Variants in CHAT observed in about 807,000 individuals in gnomAD.
CHAT encodes the protein acetyl CoA:choline O-acetyltransferase.
Under a neutral mutation model 76.9 loss-of-function variants are expected in CHAT, and 61 were observed. That is an observed-to-expected ratio of 0.79 (90% CI 0.65 to 0.98). The LOEUF (loss-of-function observed/expected upper bound fraction) is 0.98, where lower values mean the gene tolerates loss of function less well. CHAT is among the 50% of genes least tolerant of loss of function. The pLI is 0.00. For synonymous variants in CHAT, 407 were observed against 397.4 expected, an observed-to-expected ratio of 1.02 and a Z score of -0.29; for missense variants, 946 against 986.9, an observed-to-expected ratio of 0.96 and a Z score of 0.56.
intron 7 of CHAT, among the ~76,000 whole-genome samples, chr10:49,639,653 T>C (rs1294877870): frequency 6.6e-6 from 1 of 152,146 alleles, no homozygotes; most frequent in African/African-American, 2.4e-5. Context: ...TTTTCCTTTG[T>C]CTTTATTTTT....
intron 3 of CHAT, 98 bp from the exon 4 acceptor site, chr10:49,620,397 G>T (rs1838660318): frequency 5.9e-6 from 5 of 846,266 alleles, no homozygotes; most frequent in South Asian, 4.0e-5. Flanking sequence ...TGGAATGAAT[G>T]AATTAATGCT....
upstream of CHAT, chr10:49,613,914 T>C (rs996940011): frequency 2.3e-4 from 132 of 571,160 alleles, 1 homozygote; most frequent in Admixed American, 4.0e-4. Context: ...GGTTTGAGAC[T>C]GGCCTGGATG....
intron 1 of CHAT, among the ~76,000 whole-genome samples, chr10:49,614,915 C>T (rs1167904135): frequency 6.6e-6 from 1 of 152,228 alleles, no homozygotes; most frequent in East Asian, 1.9e-4. Context: ...TGTGAATGAC[C>T]GGCCAGACTG....
At chr10:49,611,391 G>T (rs760191637), upstream of CHAT, 2 of 1,598,856 alleles carry the variant, frequency 1.3e-6, no homozygotes, top group East Asian at 2.2e-5. Context: ...TGGGCGTGGC[G>T]CTGGCCTTCA....
Position 49,649,576 on chromosome 10 carries a change from G to T in CHAT, c.1451G>T (p.Arg484Leu), listed in dbSNP as rs771901229. ...GAGCTCCCCGCCCCCCGGAGGCTGCGGTGGAAATGCTCCCCGGAAATTCAA... is the reference window on the plus strand; with the variant it reads ...GAGCTCCCCGCCCCCCGGAGGCTGCTGTGGAAATGCTCCCCGGAAATTCAA... ...VSELPAPRRLRWKCSPEIQGH... is the reference protein window; with the variant it reads ...VSELPAPRRLLWKCSPEIQGH... Residue 484 changes from arginine to leucine, a missense_variant, in exon 10 of 15, where the codon CGG (arginine) becomes CTG (leucine). Physicochemically the swap from Arg to Leu is moderately radical, Grantham distance 102 (BLOSUM62 -2). Around this residue, in one of 3 missense-constraint regions of CHAT, gnomAD observed 349 missense variants for 393.9 expected, o/e 0.89. Coordinates refer to ENST00000337653, the MANE Select transcript of CHAT (RefSeq NM_020549.5). 1.9e-6 allele frequency: 3 copies of T among 1,613,876 alleles called. No individual in the cohort carries two copies. The highest frequency in any genetic ancestry group is 2.5e-6 in the Non-Finnish European group (3 of 1,180,046).
intron 7 of CHAT, among the ~76,000 whole-genome samples, chr10:49,631,595 C>T (rs144770749): frequency 6.6e-6 from 1 of 152,216 alleles, no homozygotes; most frequent in East Asian, 1.9e-4. Flanking sequence ...ATAGCAGGGC[C>T]GAGGGGTTTG....
intron 6 of CHAT, among the ~76,000 whole-genome samples, 200 bp downstream of exon 6, chr10:49,625,853 G>A (rs963004184): frequency 6.6e-5 from 10 of 152,162 alleles, no homozygotes; most frequent in African/African-American, 1.7e-4. Context: ...AATGAGAGCC[G>A]TCAGTTTGAG....
In CHAT at chr10:49,625,532, A is replaced by G. The variant is rs779266134; in HGVS notation, c.812A>G (p.Lys271Arg). 3 of 1,613,548 alleles carry G rather than the reference A, an allele frequency of 1.9e-6. No individual in the cohort carries two copies. The highest frequency in any genetic ancestry group is 4.5e-5 in the East Asian group (2 of 44,882). ...GQLSGQPLCM[K>R]QYYGLFSSYR... is the part of the protein sequence containing the mutation. ...CTGTCAGGGCAGCCCCTTTGCATGA[A>G]GCAATACTATGGGCTCTTCTCCTCC... The change falls in exon 6 of 15, where the codon AAG becomes AGG. Residue 271 changes from lysine to arginine, a missense_variant. By Grantham distance (26) the Lys-to-Arg change is conservative (BLOSUM62 2). Transcript: ENST00000337653.
chr10:49,633,771 G>A (rs1214308277), intron 7 of CHAT, among the ~76,000 whole-genome samples: 1 of 152,206 alleles, frequency 6.6e-6, no homozygotes, highest in Non-Finnish European at 1.5e-5. Context: ...GCTTTCCTGG[G>A]TGCTGCCGTG....
At chr10:49,613,442 C>A (rs984269604), upstream of CHAT, among the ~76,000 whole-genome samples, 1 of 152,172 alleles carries the variant, frequency 6.6e-6, no homozygotes, top group African/African-American at 2.4e-5. Flanking sequence ...CTCAAGCCAG[C>A]GTTCGCGCAA....
rs1478826056 is a variant in CHAT, at chr10:49,622,080, C to T, written c.699-17C>T. On this transcript the variant is annotated splice_polypyrimidine_tract_variant and intron_variant, in intron 4 of 14. Transcript: ENST00000337653. ...AGGCCCTGGGAGGAAGGGCTCAGGCCTCCCTTCTCCCTGCAGGTTTGCAGC... is the reference window on the plus strand; with the variant it reads ...AGGCCCTGGGAGGAAGGGCTCAGGCTTCCCTTCTCCCTGCAGGTTTGCAGC... 1 of 1,121,820 alleles carries T rather than the reference C, an allele frequency of 8.9e-7. No homozygotes were observed. Among genetic ancestry groups the T allele is most frequent in the African/African-American group, 4.0e-5 (1 of 24,934 alleles). The allele number at this position is 1,121,820 out of a possible 1,614,324, so 69.5% of individuals were successfully genotyped here.
intron 11 of CHAT, among the ~76,000 whole-genome samples, chr10:49,654,234 G>A (rs1054807517): frequency 6.6e-6 from 1 of 152,218 alleles, no homozygotes; most frequent in East Asian, 1.9e-4. Context: ...TGCTCACCAA[G>A]CAAGACAGTG....
In CHAT at chr10:49,646,597, C is replaced by G. The variant is rs1839675651; in HGVS notation, c.1204C>G (p.His402Asp). The G allele has an allele frequency of 1.9e-6, 3 of 1,614,234 alleles. No homozygotes were observed. Among genetic ancestry groups the G allele is most frequent in the Middle Eastern group, 1.7e-4 (1 of 6,058 alleles). ...AGGAGGCGTGGAGCTCAGCGACACC[C>G]ACAGGGCACTCCAGCTCCTTCACGG... ...APGGVELSDTHRALQLLHGGG... is the reference protein window; with the variant it reads ...APGGVELSDTDRALQLLHGGG... The change falls in exon 8 of 15, where the codon CAC becomes GAC. Residue 402 changes from histidine to aspartate, a missense_variant. By Grantham distance (81) the His-to-Asp change is moderately conservative (BLOSUM62 -1). Around this residue, in one of 3 missense-constraint regions of CHAT, gnomAD observed 49 missense variants for 76.7 expected, o/e 0.64. Coordinates refer to ENST00000337653, the MANE Select transcript of CHAT (RefSeq NM_020549.5).
intron 8 of CHAT, 38 bp from the exon 9 acceptor site, chr10:49,648,469 C>T (rs748541892): frequency 6.5e-7 from 1 of 1,547,060 alleles, no homozygotes; most frequent in African/African-American, 1.4e-5. Flanking sequence ...GCAATGCTGA[C>T]TCTCCCATGA....
chr10:49,627,641 C>T lies in CHAT; in HGVS notation c.967C>T (p.Arg323Cys), dbSNP rs771938918. The change falls in exon 7 of 15, where the codon CGT becomes TGT. Residue 323 changes from arginine (R) to cysteine (C), a missense_variant. By Grantham distance (180) the Arg-to-Cys change is radical. Transcript: ENST00000337653. ...CTTGGATGTTGTCATTAATTTCCGC[C>T]GTCTCAGTGAGGGGGATCTGTTCAC... Reference protein sequence around the residue: ...FVLDVVINFRRLSEGDLFTQL... With the variant: ...FVLDVVINFRCLSEGDLFTQL... The T allele has an allele frequency of 7.4e-6, 12 of 1,614,014 alleles. No individual in the cohort carries two copies. The highest frequency in any genetic ancestry group is 1.6e-4 in the Middle Eastern group (1 of 6,084).
intron 4 of CHAT, 83 bp from the exon 5 acceptor site, chr10:49,622,014 G>A (rs553616017): frequency 5.4e-6 from 8 of 1,485,472 alleles, no homozygotes; most frequent in African/African-American, 1.4e-5. Flanking sequence ...AAGAGGGAAG[G>A]AGGGAGGGGA....
rs116645818 is a variant in CHAT, at chr10:49,626,099, G to T, written c.933+446G>T. Among the ~76,000 whole-genome samples the T allele has an allele frequency of 4.8e-3, 729 of 152,316 alleles. 3 individuals carry two copies. The highest frequency in any genetic ancestry group is 0.012 in the African/African-American group (490 of 41,576). On this transcript the variant is annotated intron_variant, in intron 6 of 14. Transcript: ENST00000337653. ...ATCCTCACAGTGACCATGCAGAGGG[G>T]GCCTTAGGATCTCTGTGTGACAGTT... is the stretch of plus-strand genomic sequence containing the variant.
At chr10:49,648,468 A>G (rs1396612157) in intron 8 of CHAT, 39 bp from the exon 9 acceptor site, 1 of 1,542,060 alleles carries the variant, frequency 6.5e-7, no homozygotes, top group Admixed American at 1.7e-5. Context: ...TGCAATGCTG[A>G]CTCTCCCATG....
At chr10:49,609,689 C>T (rs8178981), upstream of CHAT, among the ~76,000 whole-genome samples, 1,070 of 152,218 alleles carry the variant, frequency 7.0e-3, 8 homozygotes, top group Non-Finnish European at 0.012. Flanking sequence ...TGGGTCAGAG[C>T]CAGGCCAGGC....
Sources: allele counts gnomAD v4.1 joint callset (sites outside exome capture counted in the v4.1 genomes callset), GRCh38; gene constraint gnomAD v4.1.1; regional missense constraint gnomAD v4.1.1; transcripts MANE v1.5; gene names NCBI Gene and HGNC (gene_info 2026-07-23, HGNC 2026-07-21).